The following YTHDC2 variants were observed in gnomAD, a reference collection of about 807,000 sequenced individuals.
YTHDC2 encodes the protein 3'-5' RNA helicase YTHDC2.
Under a neutral mutation model 174.9 loss-of-function variants are expected in YTHDC2, and 45 were observed. The observed-to-expected ratio is 0.26, with a 90% CI of 0.20 to 0.33. YTHDC2 has a LOEUF of 0.33. YTHDC2 is among the 10% of genes least tolerant of loss of function. YTHDC2 has a pLI of 1.00. For synonymous variants in YTHDC2, 657 were observed against 574.5 expected (o/e 1.14, Z -2.05); for missense variants, 1,650 against 1,723.7 (o/e 0.96, Z 0.76).
chr5:113,572,933 C>T (rs933726954), intron 23 of YTHDC2, among the ~76,000 whole-genome samples: 1 of 152,142 alleles, frequency 6.6e-6, no homozygotes, highest in Non-Finnish European at 1.5e-5. Context: ...GTGCCTTTCA[C>T]TTGGGACATT....
rs1337404973 is a variant in YTHDC2, at chr5:113,586,869, C to CTA, written c.3825+2391_3825+2392insAT. Reference sequence around the variant, plus strand: ...TTCATTAATATCTCTCTCTCTCTCTCTCTCTATATATATATATAATATATA... The same window carrying CTA: ...TTCATTAATATCTCTCTCTCTCTCTCTATCTCTATATATATATATAATATATA... On this transcript the variant is annotated intron_variant, in intron 26 of 29. Coordinates refer to ENST00000161863, the MANE Select transcript of YTHDC2 (RefSeq NM_022828.5). Among the ~76,000 whole-genome samples the CTA allele has an allele frequency of 4.6e-3, 622 of 136,604 alleles. 21 individuals are homozygous for CTA. Among genetic ancestry groups the CTA allele is most frequent in the African/African-American group, 0.013 (475 of 36,338 alleles). The allele number at this position is 136,604 out of a possible 152,430, so 89.6% of individuals were successfully genotyped here. A position where few individuals can be genotyped will look rare whatever the true frequency, so the allele number is the denominator to read the frequency against.
At chr5:113,578,337 A>G (rs1391857513) in intron 23 of YTHDC2, among the ~76,000 whole-genome samples, 1 of 151,948 alleles carries the variant, frequency 6.6e-6, no homozygotes, top group Non-Finnish European at 1.5e-5. Flanking sequence ...CTGGGACTAT[A>G]GGCATGAGTC....
chr5:113,591,029 T>C lies in YTHDC2; in HGVS notation c.3826-12T>C. On this transcript the variant is annotated splice_polypyrimidine_tract_variant and intron_variant, in intron 26 of 29. Coordinates refer to ENST00000161863, the MANE Select transcript of YTHDC2 (RefSeq NM_022828.5). ...CAGGTTACCTTTCAAGAACTTATGT[T>C]TTCTTTTATAGGGCTCAAAATCTCC... The C allele has an allele frequency of 1.2e-6, 2 of 1,609,642 alleles. No individual in the cohort carries two copies. The highest frequency in any genetic ancestry group is 1.7e-6 in the Non-Finnish European group (2 of 1,177,920).
chr5:113,540,513 T>C (rs1476898720), intron 8 of YTHDC2, among the ~76,000 whole-genome samples: 1 of 152,180 alleles, frequency 6.6e-6, no homozygotes, highest in Non-Finnish European at 1.5e-5. Context: ...TCAGGAAACT[T>C]AGTCATGATG....
At chr5:113,552,790 G>A (rs1217576609) in intron 12 of YTHDC2, among the ~76,000 whole-genome samples, 1 of 151,874 alleles carries the variant, frequency 6.6e-6, no homozygotes, top group Non-Finnish European at 1.5e-5. Context: ...AATGCATGAG[G>A]GTTTAAATTT....
intron 23 of YTHDC2, among the ~76,000 whole-genome samples, chr5:113,571,114 G>A (rs182126178): frequency 6.6e-6 from 1 of 152,230 alleles, no homozygotes; most frequent in East Asian, 1.9e-4. Context: ...CTGGCTGTGG[G>A]TTTGTCATAA....
chr5:113,588,054 G>T (rs1319478818), intron 26 of YTHDC2, among the ~76,000 whole-genome samples: 1 of 151,900 alleles, frequency 6.6e-6, no homozygotes, highest in African/African-American at 2.4e-5. Flanking sequence ...TTCATTGTTA[G>T]TATATACAAA....
chr5:113,546,641 G>T (rs9326892), intron 10 of YTHDC2, among the ~76,000 whole-genome samples: 2,645 of 152,286 alleles, frequency 0.017, 31 homozygotes, highest in Non-Finnish European at 0.022. Flanking sequence ...CATTACAGAT[G>T]ATTCTAACAC....
At chr5:113,521,756 A>C (rs1773875725) in intron 2 of YTHDC2, among the ~76,000 whole-genome samples, 2 of 150,264 alleles carry the variant, frequency 1.3e-5, no homozygotes, top group African/African-American at 4.9e-5. Flanking sequence ...AAAAAAACCC[A>C]GAAAAATAAA....
At chr5:113,580,685 A>G (rs532599037) in intron 24 of YTHDC2, among the ~76,000 whole-genome samples, 3 of 152,278 alleles carry the variant, frequency 2.0e-5, no homozygotes, top group African/African-American at 7.2e-5. Context: ...CATGTTGTCA[A>G]AGTCAGTCTG....
intron 12 of YTHDC2, among the ~76,000 whole-genome samples, chr5:113,552,254 T>C (rs751613110): frequency 6.6e-6 from 1 of 152,110 alleles, no homozygotes; most frequent in African/African-American, 2.4e-5. Flanking sequence ...CACAGACTTA[T>C]GCAATCATCA....
chr5:113,556,700 G>A (rs1326455328), intron 17 of YTHDC2, among the ~76,000 whole-genome samples: 1 of 152,126 alleles, frequency 6.6e-6, no homozygotes, highest in Non-Finnish European at 1.5e-5. Context: ...TTTACTGATG[G>A]GAGTATAGAT....
intron 16 of YTHDC2, 102 bp downstream of exon 16, chr5:113,554,124 C>T: frequency 9.1e-7 from 1 of 1,094,600 alleles, no homozygotes; most frequent in Non-Finnish European, 1.2e-6. Context: ...TTTAATTTTA[C>T]CTCTACTCAA....
intron 26 of YTHDC2, among the ~76,000 whole-genome samples, chr5:113,585,350 G>T (rs1405283492): frequency 6.6e-6 from 1 of 151,996 alleles, no homozygotes; most frequent in Non-Finnish European, 1.5e-5. Flanking sequence ...ATTTGATTAG[G>T]GGTTATTTAG....
At chr5:113,532,787 A>C in intron 4 of YTHDC2, 92 bp from the exon 5 acceptor site, 1 of 1,165,094 alleles carries the variant, frequency 8.6e-7, no homozygotes, top group Non-Finnish European at 1.2e-6. Flanking sequence ...TTGTTATAGA[A>C]CTTCAATTCT....
At chr5:113,530,567 C>T (rs2112571004) in intron 4 of YTHDC2, among the ~76,000 whole-genome samples, 1 of 152,268 alleles carries the variant, frequency 6.6e-6, no homozygotes, top group East Asian at 1.9e-4. Flanking sequence ...TCCCTCCTGT[C>T]CCTTGTATCA....
rs1403797964 is a variant in YTHDC2, at chr5:113,525,055, A to T, written c.353A>T (p.Asn118Ile). ...ACAGCTCATGCAATGATGACCTGTAATTTGACTCATAATACAAAACATGCT... is the reference window on the plus strand; with the variant it reads ...ACAGCTCATGCAATGATGACCTGTATTTTGACTCATAATACAAAACATGCT... ...SETAHAMMTC[N>I]LTHNTKHAVR... The change falls in exon 3 of 30, where the codon AAT (asparagine) becomes ATT (isoleucine). Residue 118 changes from asparagine to isoleucine, a missense_variant. Coordinates refer to ENST00000161863, the MANE Select transcript of YTHDC2 (RefSeq NM_022828.5). 4.3e-6 allele frequency: 7 copies of T among 1,612,798 alleles called. No individual in the cohort carries two copies. The South Asian group carries it at 7.7e-5, about 18-fold the overall frequency.
chr5:113,519,072 T>C (rs1347890622), intron 2 of YTHDC2, among the ~76,000 whole-genome samples: 1 of 151,764 alleles, frequency 6.6e-6, no homozygotes, highest in African/African-American at 2.4e-5. Flanking sequence ...GGGGTCTTGC[T>C]ATGTTGCCCA....
intron 18 of YTHDC2, 44 bp from the exon 19 acceptor site, chr5:113,563,329 A>T: frequency 6.6e-7 from 1 of 1,511,042 alleles, no homozygotes; most frequent in South Asian, 1.2e-5. Flanking sequence ...GTAGGTTAGT[A>T]TTCTTTTTAA....
Sources: gnomAD v4.1 joint callset for allele counts (sites outside exome capture counted in the v4.1 genomes callset) on GRCh38, gnomAD v4.1.1 for gene constraint, MANE v1.5 for transcripts, NCBI Gene and HGNC (gene_info 2026-07-23, HGNC 2026-07-21) for gene names.